The following SGCZ variants were observed in gnomAD, a reference collection of about 807,000 sequenced individuals.
The protein encoded by SGCZ is zeta-sarcoglycan.
Under a neutral mutation model 41.3 loss-of-function variants are expected in SGCZ, and 40 were observed. The observed-to-expected ratio is 0.97, with a 90% CI of 0.75 to 1.26. The LOEUF is 1.26. Among genes scored for constraint, SGCZ ranks in the 50% most tolerant of loss-of-function variants. SGCZ has a pLI of 0.00. For synonymous variants in SGCZ, 206 were observed against 137.5 expected (o/e 1.50, Z -3.49); for missense variants, 552 against 369.8 (o/e 1.49, Z -4.04).
At chr8:15,157,327 G>T (rs773398174) in intron 1 of SGCZ, among the ~76,000 whole-genome samples, 1 of 151,956 alleles carries the variant, frequency 6.6e-6, no homozygotes, top group Non-Finnish European at 1.5e-5. Context: ...GACCCCAGGA[G>T]CCCAGGAGTG....
chr8:14,647,717 A>G (rs1429685959), intron 1 of SGCZ, among the ~76,000 whole-genome samples: 1 of 152,028 alleles, frequency 6.6e-6, no homozygotes, highest in Non-Finnish European at 1.5e-5. Flanking sequence ...GGTATACTAA[A>G]TAAGTAAATA....
chr8:14,457,652 C>G (rs1300981944), intron 2 of SGCZ, among the ~76,000 whole-genome samples: 2 of 152,180 alleles, frequency 1.3e-5, no homozygotes, highest in East Asian at 3.9e-4. Flanking sequence ...AGTGAAAATA[C>G]AAATAGTCCC....
At chr8:14,470,067 A>C (rs1801170984) in intron 2 of SGCZ, among the ~76,000 whole-genome samples, 1 of 152,078 alleles carries the variant, frequency 6.6e-6, no homozygotes, top group Admixed American at 6.5e-5. Flanking sequence ...CTGGCATCTG[A>C]AGCAGTGCAG....
intron 1 of SGCZ, among the ~76,000 whole-genome samples, chr8:14,605,453 T>G (rs1289233401): frequency 1.3e-5 from 2 of 152,164 alleles, no homozygotes; most frequent in Non-Finnish European, 2.9e-5. Context: ...TGCATTTAAA[T>G]TAGTATTGAC....
chr8:14,914,173 CTA>C (rs1799359566), intron 1 of SGCZ, among the ~76,000 whole-genome samples: 1 of 151,276 alleles, frequency 6.6e-6, no homozygotes, highest in Non-Finnish European at 1.5e-5. Flanking sequence ...ATATATATCT[CTA>C]TATATAAAAT....
chr8:14,932,894 A>C (rs1249681091), intron 1 of SGCZ, among the ~76,000 whole-genome samples: 1 of 152,050 alleles, frequency 6.6e-6, no homozygotes, highest in Non-Finnish European at 1.5e-5. Context: ...GTAAGTAAGC[A>C]CTAAATCTGG....
chr8:14,719,674 G>A (rs1401129533), intron 1 of SGCZ, among the ~76,000 whole-genome samples: 1 of 151,844 alleles, frequency 6.6e-6, no homozygotes, highest in African/African-American at 2.4e-5. Context: ...GTCTGTTCAT[G>A]TCCTTTGCCC....
At chr8:14,525,570 A>T (rs1198138668) in intron 2 of SGCZ, among the ~76,000 whole-genome samples, 1 of 152,070 alleles carries the variant, frequency 6.6e-6, no homozygotes, top group East Asian at 1.9e-4. Context: ...TTGAGATCCC[A>T]CTCTCTGCAA....
At chr8:14,749,679 G>C (rs1316796668) in intron 1 of SGCZ, among the ~76,000 whole-genome samples, 1 of 152,024 alleles carries the variant, frequency 6.6e-6, no homozygotes, top group Non-Finnish European at 1.5e-5. Flanking sequence ...TGTTACCATA[G>C]CAAAGAAATA....
chr8:14,294,178 C>T (rs866825127), intron 3 of SGCZ, among the ~76,000 whole-genome samples: 1 of 151,728 alleles, frequency 6.6e-6, no homozygotes, highest in Non-Finnish European at 1.5e-5. Context: ...AGACTAAAAA[C>T]TCTCCACTTA....
intron 2 of SGCZ, among the ~76,000 whole-genome samples, chr8:14,406,798 T>C (rs1386844401): frequency 6.6e-6 from 1 of 152,168 alleles, no homozygotes; most frequent in African/African-American, 2.4e-5. Context: ...TTGAAAATAA[T>C]TAAAAGTGGG....
intron 1 of SGCZ, among the ~76,000 whole-genome samples, chr8:14,986,815 T>C (rs17120669): frequency 1.8e-4 from 27 of 151,902 alleles, no homozygotes; most frequent in Admixed American, 3.3e-4. Flanking sequence ...TAAAAGTTTG[T>C]TATCTATTTG....
chr8:14,872,399 CT>C (rs1804194651), intron 1 of SGCZ, among the ~76,000 whole-genome samples: 1 of 151,330 alleles, frequency 6.6e-6, no homozygotes, highest in Admixed American at 6.6e-5. Context: ...AGTGTTTTTG[CT>C]GTATATTATT....
intron 1 of SGCZ, among the ~76,000 whole-genome samples, chr8:14,930,277 C>T (rs1398025146): frequency 6.6e-6 from 1 of 151,836 alleles, no homozygotes; most frequent in African/African-American, 2.4e-5. Context: ...AAATCAAAAC[C>T]ACAATGAGAT....
intron 1 of SGCZ, among the ~76,000 whole-genome samples, chr8:15,077,808 C>A (rs1805593954): frequency 6.6e-6 from 1 of 152,184 alleles, no homozygotes; most frequent in South Asian, 2.1e-4. Context: ...CCATGCATCT[C>A]AATAGAGGTA....
chr8:15,025,519 A>C (rs535961336), intron 1 of SGCZ, among the ~76,000 whole-genome samples: 1 of 152,320 alleles, frequency 6.6e-6, no homozygotes, highest in Admixed American at 6.5e-5. Context: ...CTAAAAAACC[A>C]CAGGTTAAGA....
intron 1 of SGCZ, among the ~76,000 whole-genome samples, chr8:15,053,536 T>C (rs1804595885): frequency 6.6e-6 from 1 of 152,080 alleles, no homozygotes; most frequent in South Asian, 2.1e-4. Context: ...GAACCACAAT[T>C]AACTAAGAGC....
rs140416751 is a variant in SGCZ at position 14,225,972 on chromosome 8, T to C, written c.424+11620A>G. Among the ~76,000 whole-genome samples, 641 of 152,150 alleles carry C rather than the reference T, an allele frequency of 4.2e-3. 4 individuals are homozygous for C. Among genetic ancestry groups the C allele is most frequent in the Non-Finnish European group, 6.9e-3 (472 of 67,948 alleles). ...TAGACCTTATCAAAAGTTTCCACAA[T>C]TTATTTGACAAAATCCATGAAATCA... On this transcript the variant is annotated intron_variant, in intron 4 of 7. Transcript: ENST00000382080.
At chr8:15,228,706 C>T (rs1801851564) in intron 1 of SGCZ, among the ~76,000 whole-genome samples, 1 of 152,036 alleles carries the variant, frequency 6.6e-6, no homozygotes, top group South Asian at 2.1e-4. Flanking sequence ...AGACAGAATG[C>T]CTTAGAACAG....
Sources: allele counts gnomAD v4.1 joint callset (sites outside exome capture counted in the v4.1 genomes callset), GRCh38; gene constraint gnomAD v4.1.1; transcripts MANE v1.5; gene names NCBI Gene and HGNC (gene_info 2026-07-23, HGNC 2026-07-21).